Variants in GIGYF1 observed in about 807,000 individuals in gnomAD.
GIGYF1 encodes the protein GRB10-interacting GYF protein 1.
GIGYF1 carries 84 observed loss-of-function variants against 147.1 expected under a neutral mutation model. That is an observed-to-expected ratio of 0.57 (90% CI 0.48 to 0.68). The LOEUF is 0.68. GIGYF1 is among the 30% of genes least tolerant of loss of function. The probability of loss-of-function intolerance (pLI) is 0.00; values close to 1 mark genes in which losing one functional copy is unlikely to be tolerated. For synonymous variants in GIGYF1, 752 were observed against 589.5 expected (o/e 1.28, Z -3.99); for missense variants, 1,485 against 1,393.7 (o/e 1.07, Z -1.04).
chr7:100,682,301 T>C (rs1018181688), intron 24 of GIGYF1, 21 bp downstream of exon 24: 5 of 1,609,362 alleles, frequency 3.1e-6, no homozygotes, highest in Non-Finnish European at 4.2e-6. Flanking sequence ...CCCGCCCACC[T>C]CCTGGGAGCC....
chr7:100,680,783 A>ACAGGGGTGAGGCAGCTCAGG lies in GIGYF1; in HGVS notation c.*916_*935dup, dbSNP rs1045302590. Reference sequence around the variant, plus strand: ...GAGCAATCATCCACCCCCGCCGCTCACAGGGGTGAGGCAGCTCAGGCAGGG... The same window carrying ACAGGGGTGAGGCAGCTCAGG: ...GAGCAATCATCCACCCCCGCCGCTCACAGGGGTGAGGCAGCTCAGGCAGGGGTGAGGCAGCTCAGGCAGGG... On this transcript the variant is annotated 3_prime_UTR_variant, in exon 27 of 27. Transcript: ENST00000678049. The ACAGGGGTGAGGCAGCTCAGG allele has an allele frequency of 1.3e-5, 2 of 152,810 alleles. No individual in the cohort carries two copies. The highest frequency in any genetic ancestry group is 4.8e-5 in the African/African-American group (2 of 41,454). 9.5% of individuals were successfully genotyped at this position (152,810 alleles called of 1,614,324 possible).
At chr7:100,688,135 G>A in intron 4 of GIGYF1, 25 bp from the exon 5 acceptor site, 1 of 1,605,890 alleles carries the variant, frequency 6.2e-7, no homozygotes, top group Non-Finnish European at 8.5e-7. Flanking sequence ...GAGAGAAGAA[G>A]ACAGAGGTCA....
rs1456134466 is a variant in GIGYF1, at chr7:100,687,381, A to G, written c.399T>C (p.Phe133=). ...SRGRGRGDSC[F]YQRSIEEGDG... Reference sequence around the variant, plus strand: ...CGCCTTCTTCGATGCTTCTTTGGTAAAAGCAGCTGTCACCACGGCCGCGGC... The same window carrying G: ...CGCCTTCTTCGATGCTTCTTTGGTAGAAGCAGCTGTCACCACGGCCGCGGC... The change falls in exon 8 of 27, where the codon TTT becomes TTC. Residue 133 remains phenylalanine (F), a synonymous_variant. Transcript: ENST00000678049. The G allele has an allele frequency of 6.2e-7, 1 of 1,613,394 alleles. No individual in the cohort carries two copies. The highest frequency in any genetic ancestry group is 8.5e-7 in the Non-Finnish European group (1 of 1,179,960).
At chr7:100,683,945 G>C (rs1302812461) in intron 18 of GIGYF1, 27 bp from the exon 19 acceptor site, 1 of 1,561,282 alleles carries the variant, frequency 6.4e-7, no homozygotes, top group Non-Finnish European at 8.7e-7. Flanking sequence ...GGATTCTTAG[G>C]ACCCCAAATC....
At chr7:100,690,161 G>A (rs993072739) in intron 1 of GIGYF1, among the ~76,000 whole-genome samples, 5 of 152,160 alleles carry the variant, frequency 3.3e-5, no homozygotes, top group Non-Finnish European at 7.4e-5. Flanking sequence ...TTTTAAAAAA[G>A]CTTTAGGGAA....
rs1357759229 is a variant in GIGYF1 at position 100,683,162 on chromosome 7, G to C, written c.2262C>G (p.Pro754=). The change falls in exon 22 of 27, where the codon CCC becomes CCG. Residue 754 remains proline (P), a synonymous_variant. Coordinates refer to ENST00000678049, the MANE Select transcript of GIGYF1 (RefSeq NM_001375765.1). ...QQQAVPVPPA[P]SSPPPLWAGL... The stretch of plus-strand genomic sequence containing the variant: ...CAGCCCAGAGTGGGGGCGGGGAGCT[G>C]GGTGCGGGGGGCACAGGGACCGCCT... The C allele has an allele frequency of 6.2e-7, 1 of 1,602,332 alleles. No homozygotes were observed. The highest frequency in any genetic ancestry group is 8.5e-7 in the Non-Finnish European group (1 of 1,178,072).
intron 9 of GIGYF1, 26 bp downstream of exon 9, chr7:100,686,980 G>C: frequency 1.2e-6 from 2 of 1,613,440 alleles, no homozygotes. Context: ...CTGCCGCCCC[G>C]GCCGCCGCCC....
At chr7:100,693,235 A>C (rs1805959747) in intron 1 of GIGYF1, among the ~76,000 whole-genome samples, 1 of 152,154 alleles carries the variant, frequency 6.6e-6, no homozygotes. Context: ...GAATGCGAGT[A>C]ATGACTGTAT....
chr7:100,682,069 C>A lies in GIGYF1; in HGVS notation c.2925+3G>T. The stretch of plus-strand genomic sequence containing the variant: ...CCCCAGCTGCTGGTGCCGGCTGCCT[C>A]ACCTGCTGCTGCTGCCGCTGCTGGC... On this transcript the variant is annotated splice_donor_region_variant and intron_variant, in intron 25 of 26. Transcript: ENST00000678049. 1.9e-6 allele frequency: 3 copies of A among 1,612,564 alleles called. No individual in the cohort carries two copies. Among genetic ancestry groups the A allele is most frequent in the Non-Finnish European group, 2.5e-6 (3 of 1,179,666 alleles).
intron 1 of GIGYF1, among the ~76,000 whole-genome samples, chr7:100,690,961 A>G (rs991462235): frequency 4.0e-5 from 6 of 151,704 alleles, no homozygotes; most frequent in African/African-American, 1.5e-4. Context: ...ACACCAAGAC[A>G]GGGGAGAGAG....
chr7:100,682,633 G>C lies in GIGYF1; in HGVS notation c.2557C>G (p.Arg853Gly), dbSNP rs778230774. 1.3e-6 allele frequency: 2 copies of C among 1,598,806 alleles called. No individual in the cohort carries two copies. The highest frequency in any genetic ancestry group is 1.7e-6 in the Non-Finnish European group (2 of 1,175,220). Residue 853 changes from arginine to glycine, a missense_variant, in exon 23 of 27, where the codon CGT (arginine) becomes GGT (glycine). Arg to Gly is a moderately radical substitution (Grantham distance 125). Coordinates refer to ENST00000678049, the MANE Select transcript of GIGYF1 (RefSeq NM_001375765.1). ...DTPKSGGSLV[R>G]GLGLKNSRSS... Reference sequence around the variant, plus strand: ...CGGCTGTTCTTCAGGCCGAGGCCACGGACCAGGCTCCCGCCGCTCTTGGGG... The same window carrying C: ...CGGCTGTTCTTCAGGCCGAGGCCACCGACCAGGCTCCCGCCGCTCTTGGGG...
intron 13 of GIGYF1, 59 bp from the exon 14 acceptor site, chr7:100,685,205 G>T: frequency 6.6e-7 from 1 of 1,512,564 alleles, no homozygotes; most frequent in Non-Finnish European, 9.1e-7. Flanking sequence ...GATAGCTTTC[G>T]CCTACTCTCA....
chr7:100,687,693 C>T (rs1805505344), intron 6 of GIGYF1, 77 bp from the exon 7 acceptor site: 8 of 1,485,004 alleles, frequency 5.4e-6, no homozygotes, highest in South Asian at 3.5e-5. Flanking sequence ...GCACCCTCCC[C>T]GCCTGTCTCC....
chr7:100,681,832 G>T (rs202122736), intron 26 of GIGYF1, 32 bp downstream of exon 26: 2 of 1,609,204 alleles, frequency 1.2e-6, no homozygotes, highest in South Asian at 2.2e-5. Context: ...CCTGTGCCAA[G>T]GAAGTCCCGC....
Position 100,684,542 on chromosome 7 carries a change from C to A in GIGYF1, c.1537G>T (p.Gly513Cys). ...AGCGGCTGGAAGCCCTCATCGCAGC[C>A]CCGCTTCACCAGCAGTGACATGGAA... ...YFSMSLLVKRGCDEGFQPLGE... is the reference protein window; with the variant it reads ...YFSMSLLVKRCCDEGFQPLGE... Residue 513 changes from glycine to cysteine, a missense_variant, in exon 16 of 27, where the codon GGC becomes TGC. By Grantham distance (159) the Gly-to-Cys change is radical (BLOSUM62 -3). Coordinates refer to ENST00000678049, the MANE Select transcript of GIGYF1 (RefSeq NM_001375765.1). The A allele has an allele frequency of 6.2e-7, 1 of 1,614,120 alleles. No homozygotes were observed. Among genetic ancestry groups the A allele is most frequent in the Non-Finnish European group, 8.5e-7 (1 of 1,180,032 alleles).
In GIGYF1 at chr7:100,683,172, G is replaced by A. The variant is rs778603866; in HGVS notation, c.2252C>T (p.Pro751Leu). 1 of 1,604,822 alleles carries A rather than the reference G, an allele frequency of 6.2e-7. No homozygotes were observed. Among genetic ancestry groups the A allele is most frequent in the Non-Finnish European group, 8.5e-7 (1 of 1,178,938 alleles). ...TGGGGGCGGGGAGCTGGGTGCGGGGGGCACAGGGACCGCCTGCTGCTGCTG... is the reference window on the plus strand; with the variant it reads ...TGGGGGCGGGGAGCTGGGTGCGGGGAGCACAGGGACCGCCTGCTGCTGCTG... Reference protein sequence around the residue: ...LLQQQQAVPVPPAPSSPPPLW... With the variant: ...LLQQQQAVPVLPAPSSPPPLW... The change falls in exon 22 of 27, where the codon CCC (proline) becomes CTC (leucine). Residue 751 changes from proline (P) to leucine (L), a missense_variant. Coordinates refer to ENST00000678049, the MANE Select transcript of GIGYF1 (RefSeq NM_001375765.1).
chr7:100,686,571 T>C (rs1402230308), intron 10 of GIGYF1, 78 bp downstream of exon 10: 3 of 1,532,526 alleles, frequency 2.0e-6, no homozygotes, highest in Non-Finnish European at 2.6e-6. Context: ...TCCCTCCCCG[T>C]GGCTACAGGA....
At position 100,685,456 on chromosome 7, in the gene GIGYF1, A is replaced by G; in HGVS notation, c.1080T>C (p.Pro360=). 6.3e-7 allele frequency: 1 copy of G among 1,598,636 alleles called. No homozygotes were observed. The highest frequency in any genetic ancestry group is 8.5e-7 in the Non-Finnish European group (1 of 1,176,394). Residue 360 remains proline, a synonymous_variant, in exon 13 of 27, where the codon CCT becomes CCC. Coordinates refer to ENST00000678049, the MANE Select transcript of GIGYF1 (RefSeq NM_001375765.1). ...EAGGKELTPL[P]PQEEKSSSPS... is the part of the protein sequence containing the mutation. ...GGGAGCTGGACTTCTCCTCCTGAGG[A>G]GGCAGTGGGGTCAGCTCTTTCCCAC...
Position 100,683,285 on chromosome 7 carries a change from G to A in GIGYF1, c.2193+19C>T, listed in dbSNP as rs1804973377. ...GCGAGGGTTGTCCACCCAGCCAGCT[G>A]AGGCTTGGGAGCACCCACGTGCTTG... On this transcript the variant is annotated intron_variant, in intron 21 of 26. Coordinates refer to ENST00000678049, the MANE Select transcript of GIGYF1 (RefSeq NM_001375765.1). 3 of 1,613,710 alleles carry A rather than the reference G, an allele frequency of 1.9e-6. No individual in the cohort carries two copies. The highest frequency in any genetic ancestry group is 1.3e-5 in the African/African-American group (1 of 75,068).
Sources: allele counts gnomAD v4.1 joint callset (sites outside exome capture counted in the v4.1 genomes callset), GRCh38; gene constraint gnomAD v4.1.1; transcripts MANE v1.5; gene names NCBI Gene and HGNC (gene_info 2026-07-23, HGNC 2026-07-21).